Variants in SNTG1 observed in about 807,000 individuals in gnomAD.
SNTG1 encodes the protein syntrophin gamma 1, also known as gamma-1-syntrophin.
In SNTG1, 39 loss-of-function variants were observed where a neutral mutation model predicts 74.7. The observed-to-expected ratio is 0.52, with a 90% confidence interval of 0.40 to 0.68. The LOEUF (loss-of-function observed/expected upper bound fraction) is 0.68. Among genes scored for constraint, SNTG1 ranks in the 30% least tolerant of loss-of-function variants. SNTG1 has a pLI of 0.00. For missense variants in SNTG1, 685 were observed against 609.5 expected (o/e 1.12, Z -1.30); for synonymous variants, 254 against 217.1 (o/e 1.17, Z -1.49).
At chr8:50,248,328 A>C (rs1288120093) in intron 2 of SNTG1, among the ~76,000 whole-genome samples, 1 of 152,212 alleles carries the variant, frequency 6.6e-6, no homozygotes, top group Non-Finnish European at 1.5e-5. Flanking sequence ...TTGTCAAATA[A>C]AAGTGACAAG....
At chr8:50,156,200 A>G (rs1416732506) in intron 1 of SNTG1, among the ~76,000 whole-genome samples, 2 of 152,110 alleles carry the variant, frequency 1.3e-5, no homozygotes, top group South Asian at 4.1e-4. Context: ...ACTAAAACTC[A>G]GGAAACAATT....
intron 13 of SNTG1, among the ~76,000 whole-genome samples, chr8:50,598,273 G>T (rs758462684): frequency 8.6e-5 from 13 of 151,804 alleles, no homozygotes; most frequent in Admixed American, 1.3e-4. Flanking sequence ...TTTGTGTGTG[G>T]TGAGAGATAG....
intron 13 of SNTG1, among the ~76,000 whole-genome samples, chr8:50,616,158 T>A (rs1397940343): frequency 2.0e-5 from 3 of 152,210 alleles, no homozygotes; most frequent in African/African-American, 7.2e-5. Flanking sequence ...ACAAAATAGT[T>A]TCACAGCAAC....
At chr8:50,756,146 CT>C (rs1443842245) in intron 18 of SNTG1, among the ~76,000 whole-genome samples, 1 of 151,724 alleles carries the variant, frequency 6.6e-6, no homozygotes, top group Admixed American at 6.6e-5. Flanking sequence ...GCATATTTTC[CT>C]TAGCATCTTT....
At chr8:50,583,003 T>A (rs936117615) in intron 12 of SNTG1, among the ~76,000 whole-genome samples, 1 of 152,106 alleles carries the variant, frequency 6.6e-6, no homozygotes, top group East Asian at 1.9e-4. Context: ...TTAAAAAAAT[T>A]GAATTTTATA....
At chr8:50,119,091 C>T (rs1157557874) in intron 1 of SNTG1, among the ~76,000 whole-genome samples, 3 of 141,530 alleles carry the variant, frequency 2.1e-5, no homozygotes, top group Non-Finnish European at 3.1e-5. Flanking sequence ...AACAAACAAA[C>T]AAACAAACAA....
intron 17 of SNTG1, among the ~76,000 whole-genome samples, chr8:50,728,207 C>A (rs1460218476): frequency 6.6e-6 from 1 of 152,248 alleles, no homozygotes. Context: ...GGTGGTGTCC[C>A]CTTCTCATAG....
rs11997407 is a variant in SNTG1 at position 50,393,375 on chromosome 8, G to A, written c.-27-837G>A. Among the ~76,000 whole-genome samples the A allele has an allele frequency of 9.3e-3, 1,410 of 152,242 alleles. 27 individuals are homozygous for A. The highest frequency in any genetic ancestry group is 0.032 in the African/African-American group (1,336 of 41,540). ...AATAGTTTACTCTTCCAAAGGCTGAGATGAGTAATTTTGAGGAGTACAAAG... is the reference window on the plus strand; with the variant it reads ...AATAGTTTACTCTTCCAAAGGCTGAAATGAGTAATTTTGAGGAGTACAAAG... On this transcript the variant is annotated intron_variant, in intron 2 of 18. Coordinates refer to ENST00000642720, the MANE Select transcript of SNTG1 (RefSeq NM_018967.5).
At position 49,969,391 on chromosome 8, in the gene SNTG1, T is replaced by A. The variant is rs1017840581; in HGVS notation, c.-103+57160T>A. Among the ~76,000 whole-genome samples the A allele has an allele frequency of 4.4e-3, 422 of 96,120 alleles. 37 individuals carry two copies. Among genetic ancestry groups the A allele is most frequent in the African/African-American group, 0.014 (235 of 16,962 alleles). The allele number at this position is 96,120 out of a possible 152,430, so 63.1% of individuals were successfully genotyped here. A position where few individuals can be genotyped will look rare whatever the true frequency, so the allele number is the denominator to read the frequency against. On this transcript the variant is annotated intron_variant, in intron 1 of 18. Transcript: ENST00000642720. ...ACACATTTTAATTCATTTAATCTTT[T>A]TTTTTTTTTTTTTTTTTTTTTTTGA...
At chr8:50,314,739 A>G (rs1353700941) in intron 2 of SNTG1, among the ~76,000 whole-genome samples, 1 of 150,102 alleles carries the variant, frequency 6.7e-6, no homozygotes, top group African/African-American at 2.5e-5. Context: ...CGAAATGTAA[A>G]TGATAATTAT....
At chr8:50,324,878 G>A (rs2090674088) in intron 2 of SNTG1, among the ~76,000 whole-genome samples, 3 of 149,422 alleles carry the variant, frequency 2.0e-5, no homozygotes, top group Admixed American at 1.3e-4. Context: ...TTGTAAACTT[G>A]TGATTTACAT....
At chr8:50,300,174 T>C (rs1284624947) in intron 2 of SNTG1, among the ~76,000 whole-genome samples, 1 of 152,160 alleles carries the variant, frequency 6.6e-6, no homozygotes, top group East Asian at 1.9e-4. Flanking sequence ...TTTATTGTAA[T>C]TTTCCCTAAT....
intron 18 of SNTG1, among the ~76,000 whole-genome samples, chr8:50,777,191 T>A (rs2095643161): frequency 6.8e-6 from 1 of 147,638 alleles, no homozygotes; most frequent in Non-Finnish European, 1.5e-5. Flanking sequence ...TTTGTCCTCA[T>A]TTTTTGGACT....
chr8:49,931,112 T>C (rs1050789651), intron 1 of SNTG1, among the ~76,000 whole-genome samples: 4 of 152,160 alleles, frequency 2.6e-5, no homozygotes, highest in East Asian at 1.9e-4. Context: ...CTGATTCTCA[T>C]GGAAATGCAA....
intron 12 of SNTG1, among the ~76,000 whole-genome samples, chr8:50,566,509 C>T (rs1283943172): frequency 6.6e-6 from 1 of 151,976 alleles, no homozygotes; most frequent in African/African-American, 2.4e-5. Context: ...ATCACACACA[C>T]ACACACTTGA....
rs538615093 is a variant in SNTG1 at position 50,306,091 on chromosome 8, T to C, written c.-27-88121T>C. ...GTCTCTAAAGTCCATTGTATCACTT[T>C]GTATGCCTTTGTGTACCCATAGGTT... On this transcript the variant is annotated intron_variant, in intron 2 of 18. Transcript: ENST00000642720. Among the ~76,000 whole-genome samples the C allele has an allele frequency of 1.7e-3, 251 of 149,398 alleles. 2 individuals carry two copies. The highest frequency in any genetic ancestry group is 6.0e-3 in the African/African-American group (241 of 40,196).
chr8:50,025,799 T>C (rs1425154416), intron 1 of SNTG1, among the ~76,000 whole-genome samples: 1 of 152,224 alleles, frequency 6.6e-6, no homozygotes, highest in African/African-American at 2.4e-5. Context: ...CTTTCCTAAT[T>C]GATACATTGT....
intron 11 of SNTG1, among the ~76,000 whole-genome samples, chr8:50,549,009 G>A (rs2094407651): frequency 6.6e-6 from 1 of 152,136 alleles, no homozygotes; most frequent in African/African-American, 2.4e-5. Flanking sequence ...AGATATTGAA[G>A]GAGCATAGAT....
intron 1 of SNTG1, among the ~76,000 whole-genome samples, chr8:49,972,402 C>T (rs2129972149): frequency 6.6e-6 from 1 of 152,224 alleles, no homozygotes. Flanking sequence ...AGACCTAAAA[C>T]CATAAAAACC....
Sources: allele counts gnomAD v4.1 joint callset (sites outside exome capture counted in the v4.1 genomes callset), GRCh38; gene constraint gnomAD v4.1.1; transcripts MANE v1.5; gene names NCBI Gene and HGNC (gene_info 2026-07-23, HGNC 2026-07-21).